Variants in GNB5 observed in about 807,000 individuals in gnomAD.
GNB5 encodes guanine nucleotide-binding protein subunit beta-5.
A neutral mutation model predicts 55.3 loss-of-function variants in GNB5; 37 were observed. That is an observed-to-expected ratio of 0.67 (90% CI 0.51 to 0.88). The LOEUF (loss-of-function observed/expected upper bound fraction) is 0.88. GNB5 is among the 40% of genes least tolerant of loss of function. The probability of loss-of-function intolerance (pLI) is 0.00; values close to 1 mark genes in which losing one functional copy is unlikely to be tolerated. For synonymous variants in GNB5, 219 were observed against 198.5 expected (o/e 1.10, Z -0.87); for missense variants, 476 against 515.3 (o/e 0.92, Z 0.74).
At chr15:52,124,367 C>A (rs781584111) in intron 12 of GNB5, 106 bp downstream of exon 12, 13 of 881,172 alleles carry the variant, frequency 1.5e-5, no homozygotes, top group African/African-American at 3.4e-5. Context: ...CGAGGCTGAC[C>A]AGGCCCACCT....
chr15:52,119,417 TGGGAGGGAGGAGGAGGAGATGGGA>T lies in GNB5; in HGVS notation c.*3316_*3339del, dbSNP rs2033212049. Reference sequence around the variant, plus strand: ...GGAGGAGGAGATGGGAGGGAGGAGATGGGAGGGAGGAGGAGGAGATGGGAGGGAGGGAGGAGGAGATGGGAGGGA... The same window carrying T: ...GGAGGAGGAGATGGGAGGGAGGAGATGGGAGGGAGGAGGAGATGGGAGGGA... On this transcript the variant is annotated 3_prime_UTR_variant, in exon 13 of 13. Transcript: ENST00000261837. 9.2e-5 allele frequency: 1 copy of T among 10,916 alleles called. No individual in the cohort carries two copies. Among genetic ancestry groups the T allele is most frequent in the Non-Finnish European group, 1.5e-4 (1 of 6,860 alleles). 0.7% of individuals were successfully genotyped at this position (10,916 alleles called of 1,614,324 possible). A position where few individuals can be genotyped will look rare whatever the true frequency, so the allele number is the denominator to read the frequency against.
intron 11 of GNB5, 88 bp from the exon 12 acceptor site, chr15:52,124,727 C>T: frequency 8.6e-7 from 1 of 1,165,374 alleles, no homozygotes; most frequent in Non-Finnish European, 1.3e-6. Flanking sequence ...ATTCAGTAAG[C>T]AGTGATTCAG....
At chr15:52,167,576 C>A (rs946950822) in intron 3 of GNB5, among the ~76,000 whole-genome samples, 7 of 151,780 alleles carry the variant, frequency 4.6e-5, no homozygotes, top group Non-Finnish European at 1.0e-4. Context: ...GAGGCTGAGG[C>A]AGGAGAATCG....
At chr15:52,137,846 T>G in intron 7 of GNB5, 1 of 1,285,748 alleles carries the variant, frequency 7.8e-7, no homozygotes. Flanking sequence ...GCCTTCTGGC[T>G]GCTCCACAGG....
At chr15:52,132,623 C>A (rs2033605498) in intron 9 of GNB5, among the ~76,000 whole-genome samples, 1 of 137,536 alleles carries the variant, frequency 7.3e-6, no homozygotes, top group Non-Finnish European at 1.6e-5. Flanking sequence ...CCACACATCA[C>A]CATGCCCTGC....
intron 2 of GNB5, among the ~76,000 whole-genome samples, chr15:52,183,828 G>T (rs972489211): frequency 6.6e-6 from 1 of 152,228 alleles, no homozygotes; most frequent in Non-Finnish European, 1.5e-5. Context: ...TAGGGCTTCA[G>T]TGATGCTGTG....
At chr15:52,165,377 C>T (rs2034430234) in intron 3 of GNB5, among the ~76,000 whole-genome samples, 1 of 152,114 alleles carries the variant, frequency 6.6e-6, no homozygotes, top group South Asian at 2.1e-4. Context: ...GTAAGATACT[C>T]CCTTTAAAGA....
At chr15:52,123,563 G>A in intron 12 of GNB5, 1 of 143,366 alleles carries the variant, frequency 7.0e-6, no homozygotes, top group East Asian at 2.0e-4. Flanking sequence ...TTTTTTTTGA[G>A]ACAGAGTCTT....
In GNB5 at chr15:52,117,102, A is replaced by ATATTTTTTTTTTTTTTTTTTT; in HGVS notation, c.*5654_*5655insAAAAAAAAAAAAAAAAAAATA. On this transcript the variant is annotated 3_prime_UTR_variant, in exon 13 of 13. Transcript: ENST00000261837. ...CCACGCCCAGCTAATATATATATAT[A>ATATTTTTTTTTTTTTTTTTTT]TTTTTTTTTAGTACAGACAGGGTTT... The ATATTTTTTTTTTTTTTTTTTT allele has an allele frequency of 1.1e-5, 1 of 87,102 alleles. No individual in the cohort carries two copies. The highest frequency in any genetic ancestry group is 6.1e-5 in the African/African-American group (1 of 16,420). The allele number at this position is 87,102 out of a possible 1,614,324, so 5.4% of individuals were successfully genotyped here.
At chr15:52,183,333 T>TG (rs5812587) in intron 2 of GNB5, among the ~76,000 whole-genome samples, 35,207 of 144,992 alleles carry the variant, frequency 0.24, 4,890 homozygotes, top group East Asian at 0.69. Context: ...TAATAAATAA[T>TG]GGGGGGGGGG....
chr15:52,179,637 C>G (rs867305743), intron 3 of GNB5, 131 bp downstream of exon 3: 9 of 398,656 alleles, frequency 2.3e-5, no homozygotes, highest in Middle Eastern at 8.0e-4. Context: ...GCCCCAGGGC[C>G]CTGCTCCCGG....
Position 52,117,102 on chromosome 15 carries a change from A to ATATTTTTTTTTTTTT in GNB5, c.*5654_*5655insAAAAAAAAAAAAATA. The ATATTTTTTTTTTTTT allele has an allele frequency of 3.4e-5, 3 of 87,100 alleles. No homozygotes were observed. Among genetic ancestry groups the ATATTTTTTTTTTTTT allele is most frequent in the African/African-American group, 1.8e-4 (3 of 16,446 alleles). The allele number at this position is 87,100 out of a possible 1,614,324, so 5.4% of individuals were successfully genotyped here. A position where few individuals can be genotyped will look rare whatever the true frequency, so the allele number is the denominator to read the frequency against. On this transcript the variant is annotated 3_prime_UTR_variant, in exon 13 of 13. Coordinates refer to ENST00000261837, the MANE Select transcript of GNB5 (RefSeq NM_016194.4). ...CCACGCCCAGCTAATATATATATAT[A>ATATTTTTTTTTTTTT]TTTTTTTTTAGTACAGACAGGGTTT...
chr15:52,151,289 C>T (rs1229279162), intron 4 of GNB5, among the ~76,000 whole-genome samples: 1 of 152,102 alleles, frequency 6.6e-6, no homozygotes, highest in Non-Finnish European at 1.5e-5. Flanking sequence ...CCCACATCAG[C>T]GACCACGTTA....
intron 7 of GNB5, chr15:52,140,004 C>G: frequency 8.3e-7 from 1 of 1,198,378 alleles, no homozygotes; most frequent in Admixed American, 3.0e-5. Flanking sequence ...GCCACTGCAC[C>G]AGTCAGTGGC....
chr15:52,118,388 T>A lies in GNB5; in HGVS notation c.*4369A>T, dbSNP rs1015697529. 9.9e-5 allele frequency: 15 copies of A among 152,134 alleles called. No individual in the cohort carries two copies. Among genetic ancestry groups the A allele is most frequent in the African/African-American group, 3.6e-4 (15 of 41,428 alleles). 9.4% of individuals were successfully genotyped at this position (152,134 alleles called of 1,614,324 possible). A position where few individuals can be genotyped will look rare whatever the true frequency, so the allele number is the denominator to read the frequency against. ...TTTTTTTTTGTATGGGTGATTTTTT[T>A]ATTTTCATCCTCTCAGGAATTTTCC... On this transcript the variant is annotated 3_prime_UTR_variant, in exon 13 of 13. Coordinates refer to ENST00000261837, the MANE Select transcript of GNB5 (RefSeq NM_016194.4).
intron 2 of GNB5, 120 bp downstream of exon 2, chr15:52,184,431 G>T: frequency 2.4e-6 from 2 of 831,794 alleles, no homozygotes; most frequent in African/African-American, 1.7e-5. Context: ...GCCTCACCAA[G>T]CCCAGGCATA....
chr15:52,117,102 A>ATATATATATATATATATATATATATATAT lies in GNB5; in HGVS notation c.*5654_*5655insATATATATATATATATATATATATATATA. 1 of 87,102 alleles carries ATATATATATATATATATATATATATATAT rather than the reference A, an allele frequency of 1.1e-5. No individual in the cohort carries two copies. 5.4% of individuals were successfully genotyped at this position (87,102 alleles called of 1,614,324 possible). ...CCACGCCCAGCTAATATATATATAT[A>ATATATATATATATATATATATATATATAT]TTTTTTTTTAGTACAGACAGGGTTT... On this transcript the variant is annotated 3_prime_UTR_variant, in exon 13 of 13. Transcript: ENST00000261837.
chr15:52,189,653 A>T, intron 1 of GNB5, among the ~76,000 whole-genome samples: 1 of 152,182 alleles, frequency 6.6e-6, no homozygotes, highest in African/African-American at 2.4e-5. Flanking sequence ...TTATTAGCCA[A>T]AAGTGAAAGC....
chr15:52,141,433 CTTT>C (rs879876222), intron 6 of GNB5, among the ~76,000 whole-genome samples, 161 bp from the exon 7 acceptor site: 1 of 143,510 alleles, frequency 7.0e-6, no homozygotes. Context: ...TTCTTTCTTT[CTTT>C]TTTTTTTTTT....
Sources: gnomAD v4.1 joint callset for allele counts (sites outside exome capture counted in the v4.1 genomes callset) on GRCh38, gnomAD v4.1.1 for gene constraint, MANE v1.5 for transcripts, NCBI Gene and HGNC (gene_info 2026-07-23, HGNC 2026-07-21) for gene names.